MDGA2: variants seen among roughly 807,000 people sequenced by gnomAD.
The protein encoded by MDGA2 is MAM domain-containing glycosylphosphatidylinositol anchor protein 2.
MDGA2 carries 40 observed loss-of-function variants against 117.8 expected under a neutral mutation model. The observed-to-expected ratio is 0.34, with a 90% confidence interval of 0.26 to 0.44. The LOEUF (loss-of-function observed/expected upper bound fraction) is 0.44. Ranked by LOEUF, MDGA2 falls within the 20% of genes least tolerant of loss-of-function variation. The pLI, the probability that MDGA2 is intolerant of heterozygous loss-of-function variation, is 1.00. For synonymous variants in MDGA2, 452 were observed against 439.0 expected (o/e 1.03, Z -0.37); for missense variants, 1,123 against 1,250.6 (o/e 0.90, Z 1.54).
At chr14:46,995,985 T>C (rs1438322506) in intron 8 of MDGA2, among the ~76,000 whole-genome samples, 1 of 152,048 alleles carries the variant, frequency 6.6e-6, no homozygotes, top group Non-Finnish European at 1.5e-5. Context: ...AAAGCACTGG[T>C]CTATATCCAG....
At chr14:47,438,359 T>C (rs893019615) in intron 1 of MDGA2, among the ~76,000 whole-genome samples, 5 of 152,116 alleles carry the variant, frequency 3.3e-5, no homozygotes, top group Non-Finnish European at 5.9e-5. Flanking sequence ...GGCACATATA[T>C]CTAACCATCC....
intron 8 of MDGA2, among the ~76,000 whole-genome samples, chr14:46,999,898 AG>A (rs981949357): frequency 1.1e-4 from 17 of 152,088 alleles, no homozygotes; most frequent in Admixed American, 9.2e-4. Context: ...CACATGTCTA[AG>A]GGGTTGGCTT....
intron 6 of MDGA2, among the ~76,000 whole-genome samples, chr14:47,092,573 G>C (rs549912899): frequency 2.4e-4 from 37 of 152,240 alleles, no homozygotes; most frequent in Non-Finnish European, 4.9e-4. Context: ...GAACCTGTCT[G>C]TTTCATCTCA....
intron 6 of MDGA2, among the ~76,000 whole-genome samples, chr14:47,094,633 C>T (rs1229814965): frequency 6.6e-6 from 1 of 151,998 alleles, no homozygotes; most frequent in Admixed American, 6.6e-5. Context: ...GCATTGTATT[C>T]ATGGCACTTA....
In MDGA2 at chr14:47,508,552, G is replaced by T. The variant is rs527587332; in HGVS notation, c.280+165965C>A. ...GCTGTTGCATTGATTGTTTTTGGTG[G>T]TTATTTCCATATGGATATGAAATCT... On this transcript the variant is annotated intron_variant, in intron 1 of 16. Coordinates refer to ENST00000399232, the MANE Select transcript of MDGA2 (RefSeq NM_001113498.3). Among the ~76,000 whole-genome samples, 18 of 152,208 alleles carry T rather than the reference G, an allele frequency of 1.2e-4. No individual in the cohort carries two copies. In the South Asian group the frequency reaches 3.7e-3, roughly 32 times the overall value.
At chr14:47,059,341 G>C (rs1282536917) in intron 7 of MDGA2, 1 of 1,273,420 alleles carries the variant, frequency 7.9e-7, no homozygotes, top group African/African-American at 1.5e-5. Flanking sequence ...TAGTGTTTTG[G>C]AAGAAGTCAA....
intron 3 of MDGA2, among the ~76,000 whole-genome samples, chr14:47,161,577 A>AT (rs1283420452): frequency 2.0e-5 from 3 of 151,648 alleles, no homozygotes; most frequent in African/African-American, 7.3e-5. Flanking sequence ...AAATACAAAA[A>AT]TTTTTGAGAG....
intron 12 of MDGA2, among the ~76,000 whole-genome samples, chr14:46,874,927 A>C (rs1595012871): frequency 6.6e-6 from 1 of 151,460 alleles, no homozygotes; most frequent in South Asian, 2.1e-4. Flanking sequence ...TAATGTTTCT[A>C]GGTATCAAAG....
At chr14:47,527,857 T>C (rs1895004946) in intron 1 of MDGA2, among the ~76,000 whole-genome samples, 1 of 152,144 alleles carries the variant, frequency 6.6e-6, no homozygotes, top group South Asian at 2.1e-4. Flanking sequence ...TCCTCCTTAA[T>C]AATTTGGACA....
At chr14:47,248,214 T>G (rs1887315303) in intron 2 of MDGA2, among the ~76,000 whole-genome samples, 1 of 150,322 alleles carries the variant, frequency 6.7e-6, no homozygotes, top group Non-Finnish European at 1.5e-5. Context: ...AAAAAATAAA[T>G]AAAAAAAATA....
chr14:47,025,542 C>A (rs1467648283), intron 8 of MDGA2, among the ~76,000 whole-genome samples: 1 of 151,984 alleles, frequency 6.6e-6, no homozygotes, highest in Non-Finnish European at 1.5e-5. Flanking sequence ...GGCAGCAGTT[C>A]TTAACCTGGG....
intron 2 of MDGA2, among the ~76,000 whole-genome samples, chr14:47,269,539 T>C (rs1056499152): frequency 6.6e-6 from 1 of 152,126 alleles, no homozygotes; most frequent in African/African-American, 2.4e-5. Context: ...TGAAAATTCC[T>C]GAAACATCAT....
chr14:46,990,298 G>A, intron 8 of MDGA2, among the ~76,000 whole-genome samples: 1 of 152,018 alleles, frequency 6.6e-6, no homozygotes, highest in East Asian at 1.9e-4. Flanking sequence ...AGTAGGACTT[G>A]TAAAGCTTTG....
intron 3 of MDGA2, among the ~76,000 whole-genome samples, chr14:47,196,663 A>G (rs749315948): frequency 1.3e-5 from 2 of 152,192 alleles, no homozygotes; most frequent in Non-Finnish European, 2.9e-5. Context: ...ATCATTTACA[A>G]CATAGGCATT....
intron 1 of MDGA2, among the ~76,000 whole-genome samples, chr14:47,383,987 A>AGATAGATAGATG (rs1891697123): frequency 9.0e-6 from 1 of 110,984 alleles, no homozygotes; most frequent in South Asian, 2.9e-4. Flanking sequence ...GATAGATGAT[A>AGATAGATAGATG]GATAGATAGA....
At chr14:47,052,231 A>G (rs1474015135) in intron 7 of MDGA2, among the ~76,000 whole-genome samples, 1 of 151,900 alleles carries the variant, frequency 6.6e-6, no homozygotes, top group East Asian at 1.9e-4. Flanking sequence ...TAGAAAAGAA[A>G]GAAGGGCACA....
chr14:46,955,272 A>C (rs984874609), intron 9 of MDGA2, among the ~76,000 whole-genome samples: 6 of 152,042 alleles, frequency 3.9e-5, no homozygotes, highest in Non-Finnish European at 5.9e-5. Flanking sequence ...ATAAATCAAT[A>C]TGCTACCTTA....
chr14:47,179,399 T>C (rs961970651), intron 3 of MDGA2, among the ~76,000 whole-genome samples: 3 of 152,182 alleles, frequency 2.0e-5, no homozygotes, highest in Non-Finnish European at 4.4e-5. Context: ...TCAAACATCC[T>C]CATTTTTTTC....
intron 1 of MDGA2, among the ~76,000 whole-genome samples, chr14:47,500,967 T>C (rs1894386979): frequency 6.6e-6 from 1 of 152,144 alleles, no homozygotes; most frequent in Non-Finnish European, 1.5e-5. Context: ...GTAATGATCA[T>C]CAGTGAATTT....
Sources: allele counts gnomAD v4.1 joint callset (sites outside exome capture counted in the v4.1 genomes callset), GRCh38; gene constraint gnomAD v4.1.1; transcripts MANE v1.5; gene names NCBI Gene and HGNC (gene_info 2026-07-23, HGNC 2026-07-21).